Variants in SEC24C observed in about 807,000 individuals in gnomAD.
SEC24C encodes protein transport protein Sec24C.
A neutral mutation model predicts 117.0 loss-of-function variants in SEC24C; 22 were observed. That is an observed-to-expected ratio of 0.19 (90% confidence interval 0.13 to 0.27). The LOEUF (loss-of-function observed/expected upper bound fraction) is 0.27, where lower values mean the gene tolerates loss of function less well. Among genes scored for constraint, SEC24C ranks in the 10% least tolerant of loss-of-function variants. The probability of loss-of-function intolerance (pLI) is 1.00; values close to 1 mark genes in which losing one functional copy is unlikely to be tolerated. For synonymous variants in SEC24C, 506 were observed against 529.4 expected, an observed-to-expected ratio of 0.96 and a Z score of 0.61; for missense variants, 1,155 against 1,375.1, an observed-to-expected ratio of 0.84 and a Z score of 2.53.
At chr10:73,750,020 T>G (rs1238807843) in intron 2 of SEC24C, among the ~76,000 whole-genome samples, 1 of 152,154 alleles carries the variant, frequency 6.6e-6, no homozygotes. Context: ...CTGGTAAGAT[T>G]TGGGAAATAA....
chr10:73,770,687 A>C, intron 21 of SEC24C, 22 bp from the exon 22 acceptor site: 1 of 1,613,284 alleles, frequency 6.2e-7, no homozygotes, highest in Non-Finnish European at 8.5e-7. Flanking sequence ...TACCATAAGG[A>C]TAAATGAATT....
chr10:73,766,710 CTG>C, intron 12 of SEC24C, 48 bp from the exon 13 acceptor site: 1 of 1,548,032 alleles, frequency 6.5e-7, no homozygotes, highest in Non-Finnish European at 8.9e-7. Context: ...ACTGAGGTAT[CTG>C]GAATCTGTAT....
intron 3 of SEC24C, 110 bp from the exon 4 acceptor site, chr10:73,759,512 A>G (rs2082761901): frequency 5.5e-6 from 4 of 720,728 alleles, no homozygotes; most frequent in African/African-American, 1.8e-5. Context: ...TCAGGGTGTG[A>G]GAGTAAGATG....
intron 8 of SEC24C, 96 bp from the exon 9 acceptor site, chr10:73,765,355 C>T (rs1416015486): frequency 2.2e-6 from 3 of 1,377,778 alleles, no homozygotes; most frequent in Non-Finnish European, 3.1e-6. Context: ...AATATCTGCG[C>T]CATGCGCCTT....
intron 3 of SEC24C, among the ~76,000 whole-genome samples, chr10:73,759,055 G>A (rs757747034): frequency 1.1e-4 from 16 of 152,176 alleles, no homozygotes; most frequent in Admixed American, 7.9e-4. Flanking sequence ...AACTAGCCAC[G>A]CATGGTGGCG....
At chr10:73,763,464 A>C in intron 6 of SEC24C, 26 bp from the exon 7 acceptor site, 2 of 1,444,060 alleles carry the variant, frequency 1.4e-6, no homozygotes, top group Non-Finnish European at 1.9e-6. Context: ...TTCTTCTGTC[A>C]CCTCATTCAT....
At chr10:73,770,583 G>T in intron 21 of SEC24C, 112 bp downstream of exon 21, 1 of 1,497,670 alleles carries the variant, frequency 6.7e-7, no homozygotes, top group African/African-American at 1.4e-5. Context: ...AACACTTGGG[G>T]ACAAGGGCAG....
chr10:73,767,736 C>A, intron 14 of SEC24C, 101 bp from the exon 15 acceptor site: 2 of 904,432 alleles, frequency 2.2e-6, no homozygotes, highest in Non-Finnish European at 3.2e-6. Context: ...GATCTGAAGT[C>A]TTCCATGAAT....
Position 73,768,807 on chromosome 10 carries a change from C to A in SEC24C, c.2182-3C>A. ...ACATGACTCTGGACCTGGGGGCCTG[C>A]AGGTGGAGAACGACCAGGAGCGGTT... On this transcript the variant is annotated splice_region_variant and splice_polypyrimidine_tract_variant and intron_variant, in intron 15 of 22. Transcript: ENST00000345254. 6.2e-7 allele frequency: 1 copy of A among 1,612,890 alleles called. No individual in the cohort carries two copies. The highest frequency in any genetic ancestry group is 1.1e-5 in the South Asian group (1 of 91,012).
intron 2 of SEC24C, among the ~76,000 whole-genome samples, chr10:73,747,672 T>C (rs1482312795): frequency 6.6e-6 from 1 of 150,748 alleles, no homozygotes; most frequent in Non-Finnish European, 1.5e-5. Context: ...TTTTTTTTTT[T>C]TTTTGAGACA....
At chr10:73,768,778 A>C in intron 15 of SEC24C, 32 bp from the exon 16 acceptor site, 1 of 1,606,558 alleles carries the variant, frequency 6.2e-7, no homozygotes, top group South Asian at 1.1e-5. Flanking sequence ...ATGTCTAGTC[A>C]GTGACATGAC....
chr10:73,761,695 C>G (rs145665854), intron 6 of SEC24C, among the ~76,000 whole-genome samples: 3 of 152,152 alleles, frequency 2.0e-5, no homozygotes, highest in South Asian at 4.1e-4. Context: ...CTTCCCCCTC[C>G]TTCAGTGAGA....
intron 2 of SEC24C, among the ~76,000 whole-genome samples, chr10:73,750,309 A>G (rs2082625409): frequency 6.6e-6 from 1 of 152,248 alleles, no homozygotes; most frequent in African/African-American, 2.4e-5. Flanking sequence ...AAAGAAAAGC[A>G]TTCTTTGAAC....
chr10:73,765,316 A>G, intron 8 of SEC24C, 135 bp from the exon 9 acceptor site: 20 of 893,266 alleles, frequency 2.2e-5, no homozygotes, highest in Non-Finnish European at 3.5e-5. Context: ...CCCTTTCATC[A>G]TTGTGCTCCC....
chr10:73,750,817 T>C (rs1397919199), intron 2 of SEC24C, among the ~76,000 whole-genome samples: 1 of 152,196 alleles, frequency 6.6e-6, no homozygotes, highest in Non-Finnish European at 1.5e-5. Flanking sequence ...CAGGCAGTCT[T>C]GGATTGACTG....
chr10:73,766,305 G>T (rs1318324039), intron 11 of SEC24C, 45 bp from the exon 12 acceptor site: 1 of 1,580,488 alleles, frequency 6.3e-7, no homozygotes, highest in Non-Finnish European at 8.6e-7. Context: ...AGTTGTGGGT[G>T]GTGGAAAAGG....
At chr10:73,762,507 G>A (rs534660677) in intron 6 of SEC24C, among the ~76,000 whole-genome samples, 1 of 152,130 alleles carries the variant, frequency 6.6e-6, no homozygotes, top group African/African-American at 2.4e-5. Context: ...AAAGTTGAAC[G>A]GTAGATCATT....
At chr10:73,766,681 ACT>A in intron 12 of SEC24C, 77 bp from the exon 13 acceptor site, 1 of 1,464,318 alleles carries the variant, frequency 6.8e-7, no homozygotes, top group African/African-American at 1.4e-5. Context: ...AGGCTTGATG[ACT>A]CTTCAGGGAA....
At chr10:73,768,488 TG>T (rs1343246835) in intron 15 of SEC24C, among the ~76,000 whole-genome samples, 1 of 152,242 alleles carries the variant, frequency 6.6e-6, no homozygotes, top group Non-Finnish European at 1.5e-5. Flanking sequence ...ATTGATATTC[TG>T]GCCCCACCAC....
Sources: allele counts gnomAD v4.1 joint callset (sites outside exome capture counted in the v4.1 genomes callset), GRCh38; gene constraint gnomAD v4.1.1; transcripts MANE v1.5; gene names NCBI Gene and HGNC (gene_info 2026-07-23, HGNC 2026-07-21).